NELL1: variants seen among roughly 807,000 people sequenced by gnomAD.
The protein encoded by NELL1 is neural EGFL like 1.
NELL1 carries 76 observed loss-of-function variants against 107.4 expected under a neutral mutation model. That is an observed-to-expected ratio of 0.71 (90% CI 0.59 to 0.86). NELL1 has a LOEUF of 0.86. Ranked by LOEUF, NELL1 falls within the 40% of genes least tolerant of loss-of-function variation. NELL1 has a pLI of 0.00. For synonymous variants in NELL1, 353 were observed against 341.2 expected (o/e 1.03, Z -0.38); for missense variants, 1,024 against 1,005.5 (o/e 1.02, Z -0.25).
chr11:21,530,948 C>T (rs1316869641), intron 15 of NELL1, among the ~76,000 whole-genome samples: 1 of 152,042 alleles, frequency 6.6e-6, no homozygotes, highest in Non-Finnish European at 1.5e-5. Context: ...TTGCTTGGTA[C>T]TCCCACTTCC....
intron 16 of NELL1, among the ~76,000 whole-genome samples, chr11:21,558,373 G>T (rs1282550018): frequency 3.3e-5 from 5 of 151,120 alleles, no homozygotes; most frequent in Non-Finnish European, 7.4e-5. Flanking sequence ...AATACATTCT[G>T]GAATGGCTAA....
chr11:21,196,803 A>G (rs1161418838), intron 13 of NELL1, among the ~76,000 whole-genome samples: 1 of 151,896 alleles, frequency 6.6e-6, no homozygotes, highest in East Asian at 1.9e-4. Context: ...TAGCACAGGC[A>G]CTTAAGAGGT....
chr11:21,278,025 G>A (rs1378212477), intron 14 of NELL1, among the ~76,000 whole-genome samples: 2 of 146,054 alleles, frequency 1.4e-5, no homozygotes, highest in African/African-American at 2.5e-5. Flanking sequence ...TTGTGCACAT[G>A]TACCCTAAAA....
chr11:20,834,543 A>G (rs1590336130), intron 3 of NELL1, among the ~76,000 whole-genome samples: 1 of 152,076 alleles, frequency 6.6e-6, no homozygotes, highest in South Asian at 2.1e-4. Flanking sequence ...TCTACTAAAC[A>G]TACAAAAAAA....
chr11:20,689,030 C>T lies in NELL1; in HGVS notation c.184+10970C>T, dbSNP rs552197218. 6.6e-5 allele frequency among the ~76,000 whole-genome samples: 10 copies of T among 152,136 alleles called. No individual in the cohort carries two copies. The South Asian group carries it at 8.3e-4, about 13-fold the overall frequency. ...CTCTCTAATGATGAGTGATGTGGAG[C>T]GTTTTTTCATATGCTTATTGGCCGC... On this transcript the variant is annotated intron_variant, in intron 2 of 19. Coordinates refer to ENST00000357134, the MANE Select transcript of NELL1 (RefSeq NM_006157.5).
intron 14 of NELL1, among the ~76,000 whole-genome samples, chr11:21,327,626 G>A (rs549005625): frequency 8.5e-5 from 13 of 152,318 alleles, no homozygotes; most frequent in African/African-American, 3.1e-4. Context: ...CAAAAATGTG[G>A]AAGTGACTTT....
rs75046698 is a variant in NELL1, at chr11:21,083,846, C to T, written c.1301-29743C>T. Among the ~76,000 whole-genome samples the T allele has an allele frequency of 3.5e-3, 537 of 152,020 alleles. 2 individuals are homozygous for T. The highest frequency in any genetic ancestry group is 0.013 in the African/African-American group (525 of 41,442). ...TTAAATACTTTTATTATTGTCTTGC[C>T]AATGACAAAATGAAAATGCACTATT... On this transcript the variant is annotated intron_variant, in intron 12 of 19. Transcript: ENST00000357134.
At chr11:21,550,884 A>C (rs547634299) in intron 16 of NELL1, among the ~76,000 whole-genome samples, 24 of 151,666 alleles carry the variant, frequency 1.6e-4, no homozygotes, top group Admixed American at 9.2e-4. Context: ...GAAGAAAGTC[A>C]TTGGTAGCTT....
rs1319951595 is a variant in NELL1, at chr11:21,105,558, G to GTT, written c.1301-8031_1301-8030insTT. ...CCATGTTGGACATGCCTAGGGCCCGGATAGCCTTTTCCTATTGGCACAGCT... is the reference window on the plus strand; with the variant it reads ...CCATGTTGGACATGCCTAGGGCCCGGTTATAGCCTTTTCCTATTGGCACAGCT... On this transcript the variant is annotated intron_variant, in intron 12 of 19. Transcript: ENST00000357134. Among the ~76,000 whole-genome samples the GTT allele has an allele frequency of 2.6e-5, 4 of 152,270 alleles. No homozygotes were observed. In the East Asian group the frequency reaches 7.8e-4, roughly 30 times the overall value.
chr11:20,860,529 C>G (rs556468472), intron 4 of NELL1, among the ~76,000 whole-genome samples: 1 of 152,258 alleles, frequency 6.6e-6, no homozygotes, highest in African/African-American at 2.4e-5. Context: ...ACTCAGTCCA[C>G]CTGTACAGGG....
At chr11:21,349,192 G>A (rs1187355425) in intron 14 of NELL1, among the ~76,000 whole-genome samples, 2 of 152,118 alleles carry the variant, frequency 1.3e-5, no homozygotes, top group Non-Finnish European at 2.9e-5. Context: ...TGCTTTTAAG[G>A]CAACTGGTAT....
intron 5 of NELL1, among the ~76,000 whole-genome samples, chr11:20,897,631 A>G (rs1236074354): frequency 2.0e-5 from 3 of 152,140 alleles, no homozygotes; most frequent in Admixed American, 1.3e-4. Flanking sequence ...TGAACAGGAA[A>G]CCTACAGAAT....
intron 2 of NELL1, among the ~76,000 whole-genome samples, chr11:20,721,252 A>G (rs1355324393): frequency 2.8e-5 from 4 of 142,054 alleles, no homozygotes; most frequent in East Asian, 3.9e-4. Flanking sequence ...ATATATATTT[A>G]TTTGTTTGTT....
At chr11:21,450,993 A>C (rs1853564484) in intron 15 of NELL1, among the ~76,000 whole-genome samples, 2 of 151,940 alleles carry the variant, frequency 1.3e-5, no homozygotes, top group Non-Finnish European at 2.9e-5. Flanking sequence ...GATGGAGACC[A>C]TCCTGGCTAA....
chr11:21,509,505 GAACA>G (rs1269790263), intron 15 of NELL1, among the ~76,000 whole-genome samples: 1 of 152,012 alleles, frequency 6.6e-6, no homozygotes, highest in Non-Finnish European at 1.5e-5. Flanking sequence ...CACTGGAAAT[GAACA>G]AATTAGGCTT....
intron 3 of NELL1, among the ~76,000 whole-genome samples, chr11:20,804,933 A>G (rs1292184767): frequency 6.6e-6 from 1 of 152,156 alleles, no homozygotes; most frequent in Non-Finnish European, 1.5e-5. Context: ...GTCTAATAAT[A>G]TTTGCTTTAC....
chr11:20,763,202 G>A (rs1228173093), intron 2 of NELL1, among the ~76,000 whole-genome samples: 1 of 152,018 alleles, frequency 6.6e-6, no homozygotes, highest in Non-Finnish European at 1.5e-5. Context: ...TGTCCTGCTG[G>A]GGTCTATCCA....
At chr11:20,926,172 A>T (rs1407452797) in intron 7 of NELL1, among the ~76,000 whole-genome samples, 3 of 152,222 alleles carry the variant, frequency 2.0e-5, no homozygotes, top group African/African-American at 7.2e-5. Flanking sequence ...GAAGAGTAAT[A>T]TCACTACTAG....
intron 2 of NELL1, among the ~76,000 whole-genome samples, chr11:20,708,756 G>T (rs1393705046): frequency 2.0e-5 from 3 of 151,928 alleles, no homozygotes; most frequent in African/African-American, 7.3e-5. Flanking sequence ...ATTTTTTGTT[G>T]CATTTGCTTT....
Sources: allele counts gnomAD v4.1 joint callset (sites outside exome capture counted in the v4.1 genomes callset), GRCh38; gene constraint gnomAD v4.1.1; transcripts MANE v1.5; gene names NCBI Gene and HGNC (gene_info 2026-07-23, HGNC 2026-07-21).